Variants in TCP11 observed in about 807,000 individuals in gnomAD.
TCP11 encodes t-complex 11.
Under a neutral mutation model 45.0 loss-of-function variants are expected in TCP11, and 34 were observed. The observed-to-expected ratio is 0.76, with a 90% CI of 0.57 to 1.01. TCP11 has a LOEUF of 1.01. Ranked by LOEUF, TCP11 falls within the 50% of genes least tolerant of loss-of-function variation. The pLI is 0.00. For synonymous variants in TCP11, 227 were observed against 227.0 expected (o/e 1.00, Z 0.00); for missense variants, 523 against 598.1 (o/e 0.87, Z 1.31).
intron 2 of TCP11, among the ~76,000 whole-genome samples, chr6:35,136,623 C>T (rs1488211212): frequency 1.2e-5 from 1 of 84,250 alleles, no homozygotes. Flanking sequence ...GCTAAACTCT[C>T]CCTACAGATA....
intron 9 of TCP11, 107 bp downstream of exon 9, chr6:35,119,121 A>G: frequency 7.1e-7 from 1 of 1,414,844 alleles, no homozygotes; most frequent in Non-Finnish European, 9.7e-7. Flanking sequence ...TCAAGGCTAA[A>G]CAATGACGTA....
Position 35,118,403 on chromosome 6 carries a change from G to T in TCP11, c.1378C>A (p.Leu460Met). ...ACAAACTTTTGGCCCAGTTCTGCCA[G>T]TTCTGCTTCAATGAGAGTAAGGCCT... ...PGGLTLIEAE[L>M]AELGQKFVNL... The change falls in exon 10 of 10, where the codon CTG (leucine) becomes ATG (methionine). Residue 460 changes from leucine to methionine, a missense_variant. Physicochemically the swap from Leu to Met is conservative, Grantham distance 15. This residue lies in a region of TCP11 where 298 missense variants were observed against 387.9 expected (regional missense o/e 0.77). Transcript: ENST00000311875. The T allele has an allele frequency of 1.2e-6, 2 of 1,614,216 alleles. No individual in the cohort carries two copies. The highest frequency in any genetic ancestry group is 8.5e-7 in the Non-Finnish European group (1 of 1,180,038).
Position 35,120,733 on chromosome 6 carries a change from G to A in TCP11, c.716-87C>T. 7.0e-7 allele frequency: 1 copy of A among 1,427,860 alleles called. No individual in the cohort carries two copies. The highest frequency in any genetic ancestry group is 1.4e-5 in the South Asian group (1 of 73,218). 88.4% of individuals were successfully genotyped at this position (1,427,860 alleles called of 1,614,324 possible). On this transcript the variant is annotated intron_variant, in intron 6 of 9. Transcript: ENST00000311875. The surrounding 1 kb of genome is among the most constrained non-coding windows in gnomAD (Gnocchi z 4.9). ...CAAGGTTCTTTTCAAGTATACTCCTGGTCAATAAATAAATGCTTTGAGGGT... is the reference window on the plus strand; with the variant it reads ...CAAGGTTCTTTTCAAGTATACTCCTAGTCAATAAATAAATGCTTTGAGGGT...
At position 35,140,785 on chromosome 6, in the gene TCP11, G is replaced by C. The variant is rs757626295; in HGVS notation, c.86C>G (p.Pro29Arg). 5.2e-6 allele frequency: 8 copies of C among 1,532,282 alleles called. No homozygotes were observed. The South Asian group carries it at 7.9e-5, about 15-fold the overall frequency. The allele number at this position is 1,532,282 out of a possible 1,614,324, so 94.9% of individuals were successfully genotyped here. ...RSCKPETSGP[P>R]QEDKSGSEDP... ...CTCGGAGCCGCTCTTGTCTTCCTGG[G>C]GGGGTCCTGAGGTTTCGGGCTTACA... Residue 29 changes from proline (P) to arginine (R), a missense_variant, in exon 2 of 10, where the codon CCC becomes CGC. By Grantham distance (103) the Pro-to-Arg change is moderately radical. Around this residue, in one of 2 missense-constraint regions of TCP11, gnomAD observed 225 missense variants for 210.2 expected, o/e 1.07. Coordinates refer to ENST00000311875, the MANE Select transcript of TCP11 (RefSeq NM_001370687.1).
At position 35,141,327 on chromosome 6, in the gene TCP11, G is replaced by T; in HGVS notation, c.-137C>A. On this transcript the variant is annotated 5_prime_UTR_variant, in exon 1 of 10. Coordinates refer to ENST00000311875, the MANE Select transcript of TCP11 (RefSeq NM_001370687.1). ...GGGGCGTCGCACGGTGAGAAAGGCCGGGGCCTGAGAACAAACCGCCGCGGT... is the reference window on the plus strand; with the variant it reads ...GGGGCGTCGCACGGTGAGAAAGGCCTGGGCCTGAGAACAAACCGCCGCGGT... The T allele has an allele frequency of 8.1e-7, 1 of 1,230,510 alleles. No homozygotes were observed. Among genetic ancestry groups the T allele is most frequent in the Non-Finnish European group, 1.0e-6 (1 of 973,934 alleles). 76.2% of individuals were successfully genotyped at this position (1,230,510 alleles called of 1,614,324 possible). A position where few individuals can be genotyped will look rare whatever the true frequency, so the allele number is the denominator to read the frequency against.
intron 2 of TCP11, among the ~76,000 whole-genome samples, chr6:35,139,316 T>A (rs1277847075): frequency 6.6e-6 from 1 of 152,154 alleles, no homozygotes; most frequent in Non-Finnish European, 1.5e-5. Context: ...CGGCAGAATA[T>A]TAACACTGTG....
In TCP11 at chr6:35,136,117, G is replaced by A. The variant is rs1345817697; in HGVS notation, c.226C>T (p.Pro76Ser). The change falls in exon 3 of 10, where the codon CCT becomes TCT. Residue 76 changes from proline to serine, a missense_variant. Transcript: ENST00000311875. ...CDYYMEEKVLPPSSLEGKVKE... is the reference protein window; with the variant it reads ...CDYYMEEKVLSPSSLEGKVKE... ...AAGAAGAGTCTATACCTGCTTGGAG[G>A]TAAAACCTTCTCTTCCATGTAGTAA... The A allele has an allele frequency of 6.2e-7, 1 of 1,613,356 alleles. No individual in the cohort carries two copies. Among genetic ancestry groups the A allele is most frequent in the Non-Finnish European group, 8.5e-7 (1 of 1,179,612 alleles).
rs1780118000 is a variant in TCP11 at position 35,128,955 on chromosome 6, TCTGA to T, written c.357+103_357+106del. 3.5e-6 allele frequency: 5 copies of T among 1,424,364 alleles called. No homozygotes were observed. The Admixed American group carries it at 8.8e-5, about 25-fold the overall frequency. The allele number at this position is 1,424,364 out of a possible 1,614,324, so 88.2% of individuals were successfully genotyped here. ...TATGATTTCTGTCTATTGCTTAGTC[TCTGA>T]CTGATTCATGGACCATGTTCAGTTA... On this transcript the variant is annotated intron_variant, in intron 4 of 9. Coordinates refer to ENST00000311875, the MANE Select transcript of TCP11 (RefSeq NM_001370687.1).
intron 8 of TCP11, 54 bp from the exon 9 acceptor site, chr6:35,119,445 C>T (rs926695508): frequency 6.3e-7 from 1 of 1,591,758 alleles, no homozygotes; most frequent in South Asian, 1.1e-5. Context: ...TGGCATAGGC[C>T]CAGGGCCCAG....
At chr6:35,140,965 G>C in intron 1 of TCP11, 81 bp from the exon 2 acceptor site, 2 of 1,288,084 alleles carry the variant, frequency 1.6e-6, no homozygotes, top group Non-Finnish European at 2.1e-6. Context: ...GGGGCGGCGG[G>C]AAGGGGGGTA....
intron 4 of TCP11, among the ~76,000 whole-genome samples, chr6:35,127,563 A>G (rs1043099977): frequency 6.6e-6 from 1 of 152,228 alleles, no homozygotes; most frequent in African/African-American, 2.4e-5. Flanking sequence ...TATAAATTTT[A>G]TCTTTGCTTA....
At position 35,136,124 on chromosome 6, in the gene TCP11, C is replaced by T; in HGVS notation, c.219G>A (p.Lys73=). The T allele has an allele frequency of 6.2e-7, 1 of 1,613,532 alleles. No homozygotes were observed. Among genetic ancestry groups the T allele is most frequent in the Non-Finnish European group, 8.5e-7 (1 of 1,179,714 alleles). ...GMNCDYYMEE[K]VLPPSSLEGK... ...GTCTATACCTGCTTGGAGGTAAAAC[C>T]TTCTCTTCCATGTAGTAATCACAAT... is the stretch of plus-strand genomic sequence containing the variant. The change falls in exon 3 of 10, where the codon AAG becomes AAA. Residue 73 remains lysine, a synonymous_variant. Coordinates refer to ENST00000311875, the MANE Select transcript of TCP11 (RefSeq NM_001370687.1).
At chr6:35,125,552 C>T (rs1779731275) in intron 4 of TCP11, among the ~76,000 whole-genome samples, 2 of 152,198 alleles carry the variant, frequency 1.3e-5, no homozygotes, top group Admixed American at 6.5e-5. Flanking sequence ...AACCCTGGTA[C>T]ATTGCTGGTA....
intron 2 of TCP11, chr6:35,140,055 G>A (rs1781545059): frequency 6.2e-7 from 1 of 1,614,014 alleles, no homozygotes; most frequent in Non-Finnish European, 8.5e-7. Context: ...ACCCCAATAT[G>A]CCTTTTGGTG....
chr6:35,131,290 G>A (rs746790619), intron 3 of TCP11, among the ~76,000 whole-genome samples: 40 of 151,334 alleles, frequency 2.6e-4, no homozygotes, highest in Non-Finnish European at 4.6e-4. Flanking sequence ...AAAGAAGGCC[G>A]GGCGCGGTGG....
rs1029866576 is a variant in TCP11 at position 35,140,668 on chromosome 6, T to C, written c.124+79A>G. 8.0e-6 allele frequency: 6 copies of C among 751,480 alleles called. No homozygotes were observed. In the Admixed American group the frequency reaches 1.2e-4, roughly 15 times the overall value. The allele number at this position is 751,480 out of a possible 1,614,324, so 46.6% of individuals were successfully genotyped here. On this transcript the variant is annotated intron_variant, in intron 2 of 9. Coordinates refer to ENST00000311875, the MANE Select transcript of TCP11 (RefSeq NM_001370687.1). ...GAGAGGGATAGTGAAGAGAGAAAAC[T>C]TGGGGGATGGGGGGGCCTGCGGACC... is the stretch of plus-strand genomic sequence containing the variant.
At position 35,122,251 on chromosome 6, in the gene TCP11, C is replaced by T. The variant is rs538129163; in HGVS notation, c.444G>A (p.Glu148=). 2 of 1,614,154 alleles carry T rather than the reference C, an allele frequency of 1.2e-6. No individual in the cohort carries two copies. The highest frequency in any genetic ancestry group is 2.2e-5 in the East Asian group (1 of 44,876). The part of the protein sequence containing the change: ...EALDMDLLKQ[E]AEHGALKVLY... Reference sequence around the variant, plus strand: ...GGACTTTCAGGGCCCCATGTTCTGCCTCCTGCTTGAGCAAGTCCATGTCCA... The same window carrying T: ...GGACTTTCAGGGCCCCATGTTCTGCTTCCTGCTTGAGCAAGTCCATGTCCA... The change falls in exon 5 of 10, where the codon GAG becomes GAA. Residue 148 remains glutamate (E), a synonymous_variant. Transcript: ENST00000311875.
chr6:35,141,149 TG>T, intron 1 of TCP11, 55 bp downstream of exon 1: 1 of 1,315,002 alleles, frequency 7.6e-7, no homozygotes, highest in Non-Finnish European at 9.7e-7. Flanking sequence ...CGCGGCGAGG[TG>T]CCCCCCTCGC....
intron 3 of TCP11, among the ~76,000 whole-genome samples, chr6:35,130,894 A>C (rs1299469980): frequency 6.6e-6 from 1 of 152,250 alleles, no homozygotes; most frequent in Non-Finnish European, 1.5e-5. Flanking sequence ...GCTTATGTTC[A>C]CACGAAAACC....
Sources: gnomAD v4.1 joint callset for allele counts (sites outside exome capture counted in the v4.1 genomes callset) on GRCh38, gnomAD v4.1.1 for gene constraint, gnomAD v4.1.1 regional missense constraint, Gnocchi (gnomAD v3.1) non-coding constraint, MANE v1.5 for transcripts, NCBI Gene and HGNC (gene_info 2026-07-23, HGNC 2026-07-21) for gene names.